Variants in GNB1 observed in about 807,000 individuals in gnomAD.
The protein encoded by GNB1 is G protein subunit beta 1.
Under a neutral mutation model 42.9 loss-of-function variants are expected in GNB1, and 2 were observed. The observed-to-expected ratio is 0.05, with a 90% CI of 0.02 to 0.15. GNB1 has a LOEUF of 0.15. GNB1 is among the 10% of genes least tolerant of loss of function. The pLI, the probability that GNB1 is intolerant of heterozygous loss-of-function variation, is 1.00. For synonymous variants in GNB1, 183 were observed against 174.7 expected, an observed-to-expected ratio of 1.05 and a Z score of -0.38; for missense variants, 193 against 462.2, an observed-to-expected ratio of 0.42 and a Z score of 5.34.
At chr1:1,890,293 C>T (rs576412219) in intron 1 of GNB1, 129 of 151,482 alleles carry the variant, frequency 8.5e-4, no homozygotes, top group African/African-American at 3.0e-3. Context: ...CGGCGCGCGG[C>T]CCGGCTTCCC....
chr1:1,819,480 C>T (rs112290866), intron 3 of GNB1, among the ~76,000 whole-genome samples: 42 of 152,104 alleles, frequency 2.8e-4, no homozygotes, highest in African/African-American at 9.6e-4. Context: ...CTCAGCCTCC[C>T]AAAGTGCTGG....
At chr1:1,871,396 G>A (rs1649239109) in intron 1 of GNB1, among the ~76,000 whole-genome samples, 1 of 152,034 alleles carries the variant, frequency 6.6e-6, no homozygotes, top group Non-Finnish European at 1.5e-5. Context: ...GGAGGCGGAG[G>A]TTGCAGTGAG....
In GNB1 at chr1:1,787,301, G is replaced by A; in HGVS notation, c.*9+21C>T. 2 of 1,187,408 alleles carry A rather than the reference G, an allele frequency of 1.7e-6. No homozygotes were observed. Among genetic ancestry groups the A allele is most frequent in the South Asian group, 1.2e-5 (1 of 81,768 alleles). The allele number at this position is 1,187,408 out of a possible 1,614,324, so 73.6% of individuals were successfully genotyped here. A position where few individuals can be genotyped will look rare whatever the true frequency, so the allele number is the denominator to read the frequency against. On this transcript the variant is annotated intron_variant, in intron 11 of 11. Coordinates refer to ENST00000378609, the MANE Select transcript of GNB1 (RefSeq NM_002074.5). The surrounding 1 kb of genome is among the most constrained non-coding windows in gnomAD (Gnocchi z 4.4). ...CACGCACAGTTCTCCTCAGAGAAGGGCATTTGGGCTGCTGCATTACCTACT... is the reference window on the plus strand; with the variant it reads ...CACGCACAGTTCTCCTCAGAGAAGGACATTTGGGCTGCTGCATTACCTACT...
At chr1:1,798,131 C>T (rs953914735) in intron 7 of GNB1, among the ~76,000 whole-genome samples, 1 of 152,218 alleles carries the variant, frequency 6.6e-6, no homozygotes, top group African/African-American at 2.4e-5. Context: ...GAGGAAGTAA[C>T]TTGAAGATGT....
In GNB1 at chr1:1,812,962, T is replaced by C. The variant is rs114476767; in HGVS notation, c.203+2794A>G. On this transcript the variant is annotated intron_variant, in intron 5 of 11. Coordinates refer to ENST00000378609, the MANE Select transcript of GNB1 (RefSeq NM_002074.5). ...GAGCCCAGCTGGTGAAGGAGACATATTACTTGGCAGTGCAGTGCTCTGAGT... is the reference window on the plus strand; with the variant it reads ...GAGCCCAGCTGGTGAAGGAGACATACTACTTGGCAGTGCAGTGCTCTGAGT... Among the ~76,000 whole-genome samples, 1,276 of 152,064 alleles carry C rather than the reference T, an allele frequency of 8.4e-3. 22 individuals are homozygous for C. The highest frequency in any genetic ancestry group is 0.029 in the African/African-American group (1,223 of 41,458).
intron 7 of GNB1, among the ~76,000 whole-genome samples, chr1:1,797,525 G>A (rs560761354): frequency 2.6e-5 from 4 of 151,562 alleles, no homozygotes; most frequent in Admixed American, 1.3e-4. Context: ...TGCAACCTCC[G>A]CCACCCCGGT....
chr1:1,818,810 C>T (rs1646891986), intron 3 of GNB1, among the ~76,000 whole-genome samples: 1 of 152,042 alleles, frequency 6.6e-6, no homozygotes, highest in African/African-American at 2.4e-5. Flanking sequence ...TTGCAGGGAG[C>T]CGAGACTGCG....
chr1:1,871,956 GCCC>G (rs776953520), intron 1 of GNB1, among the ~76,000 whole-genome samples: 1 of 150,776 alleles, frequency 6.6e-6, no homozygotes, highest in African/African-American at 2.4e-5. Flanking sequence ...CTCAATCTGT[GCCC>G]CCGACAATCC....
chr1:1,828,677 T>G (rs1647031821), intron 2 of GNB1, among the ~76,000 whole-genome samples: 1 of 152,200 alleles, frequency 6.6e-6, no homozygotes, highest in Non-Finnish European at 1.5e-5. Context: ...GCAGAAATTA[T>G]TATAGCACTC....
At chr1:1,827,050 A>G (rs896051280) in intron 2 of GNB1, among the ~76,000 whole-genome samples, 5 of 152,244 alleles carry the variant, frequency 3.3e-5, no homozygotes, top group Admixed American at 2.6e-4. Context: ...TTTTACCATT[A>G]TAACTTTTGT....
chr1:1,802,423 G>C (rs562240824), intron 7 of GNB1, among the ~76,000 whole-genome samples: 5 of 152,206 alleles, frequency 3.3e-5, no homozygotes, highest in Non-Finnish European at 5.9e-5. Flanking sequence ...TAACCTATAA[G>C]TCAAATAAGC....
At chr1:1,861,775 A>G (rs1648642878) in intron 1 of GNB1, among the ~76,000 whole-genome samples, 1 of 152,146 alleles carries the variant, frequency 6.6e-6, no homozygotes, top group African/African-American at 2.4e-5. Context: ...CACTGGAAGC[A>G]TTCACCAGAG....
Position 1,825,385 on chromosome 1 carries a change from A to C in GNB1, c.57+12T>G. On this transcript the variant is annotated intron_variant, in intron 3 of 11. Coordinates refer to ENST00000378609, the MANE Select transcript of GNB1 (RefSeq NM_002074.5). ...AAATGATTAATAAAACCAAGCACAC[A>C]CAACTACATACTCGAATCTGGTTCT... 2.5e-6 allele frequency: 4 copies of C among 1,596,250 alleles called. No homozygotes were observed. Among genetic ancestry groups the C allele is most frequent in the Non-Finnish European group, 2.6e-6 (3 of 1,163,738 alleles).
chr1:1,850,587 T>G (rs1322891333), intron 1 of GNB1, among the ~76,000 whole-genome samples: 1 of 152,050 alleles, frequency 6.6e-6, no homozygotes, highest in African/African-American at 2.4e-5. Flanking sequence ...CTCTAACATT[T>G]CAATTTAACT....
chr1:1,878,405 C>T (rs1429105147), intron 1 of GNB1, among the ~76,000 whole-genome samples: 1 of 152,198 alleles, frequency 6.6e-6, no homozygotes, highest in East Asian at 1.9e-4. Context: ...TTTTCCAGGA[C>T]TTATTTCAAT....
At chr1:1,890,054 G>A (rs982584159) in intron 1 of GNB1, among the ~76,000 whole-genome samples, 4 of 152,120 alleles carry the variant, frequency 2.6e-5, no homozygotes, top group Admixed American at 2.6e-4. Context: ...CGCCATCTTG[G>A]CGCGGCCACC....
chr1:1,885,990 A>C (rs953968230), intron 1 of GNB1, among the ~76,000 whole-genome samples: 1 of 151,752 alleles, frequency 6.6e-6, no homozygotes, highest in South Asian at 2.1e-4. Flanking sequence ...CTGACACAAG[A>C]ACAAGAGGCT....
At chr1:1,890,236 T>C (rs1650406293) in intron 1 of GNB1, 1 of 152,028 alleles carries the variant, frequency 6.6e-6, no homozygotes, top group South Asian at 2.1e-4. Flanking sequence ...ATTTTCCCAT[T>C]TCCCGACGCC....
chr1:1,830,218 A>G (rs1647056567), intron 2 of GNB1, among the ~76,000 whole-genome samples: 1 of 152,190 alleles, frequency 6.6e-6, no homozygotes, highest in Non-Finnish European at 1.5e-5. Context: ...TAGAACAAAG[A>G]AACATTTTTT....
Sources: allele counts gnomAD v4.1 joint callset (sites outside exome capture counted in the v4.1 genomes callset), GRCh38; gene constraint gnomAD v4.1.1; non-coding constraint Gnocchi (gnomAD v3.1); transcripts MANE v1.5; gene names NCBI Gene and HGNC (gene_info 2026-07-23, HGNC 2026-07-21).